FER: variants seen among roughly 807,000 people sequenced by gnomAD.
FER encodes tyrosine-protein kinase Fer.
A neutral mutation model predicts 111.0 loss-of-function variants in FER; 63 were observed. The ratio of observed to expected loss-of-function variants is 0.57; its 90% CI spans 0.46 to 0.70. The LOEUF (loss-of-function observed/expected upper bound fraction) is 0.70, where lower values mean the gene tolerates loss of function less well. Among genes scored for constraint, FER ranks in the 30% least tolerant of loss-of-function variants. The pLI, the probability that FER is intolerant of heterozygous loss-of-function variation, is 0.00. For missense variants in FER, 914 were observed against 954.0 expected (o/e 0.96, Z 0.55); for synonymous variants, 327 against 313.9 (o/e 1.04, Z -0.44).
intron 13 of FER, among the ~76,000 whole-genome samples, chr5:109,019,797 T>A (rs1473899931): frequency 6.6e-6 from 1 of 151,828 alleles, no homozygotes; most frequent in Non-Finnish European, 1.5e-5. Flanking sequence ...CCTTTTACTT[T>A]CCAAACTTAA....
chr5:108,845,515 A>AT (rs988372922), intron 5 of FER, among the ~76,000 whole-genome samples: 8 of 151,678 alleles, frequency 5.3e-5, no homozygotes, highest in African/African-American at 1.7e-4. Flanking sequence ...ATTTCTTAGG[A>AT]TTTTTTACTT....
chr5:109,018,428 C>CCTTA (rs1311089607), intron 13 of FER, among the ~76,000 whole-genome samples: 1 of 151,782 alleles, frequency 6.6e-6, no homozygotes, highest in African/African-American at 2.4e-5. Flanking sequence ...ATGTAGAGAA[C>CCTTA]CTTAGATAAG....
At chr5:109,164,451 A>T (rs1261548803) in intron 17 of FER, among the ~76,000 whole-genome samples, 2 of 152,028 alleles carry the variant, frequency 1.3e-5, no homozygotes, top group African/African-American at 4.8e-5. Context: ...AATGCTGCCT[A>T]CTCCATTTGT....
chr5:109,105,508 A>G (rs897784035), intron 17 of FER, among the ~76,000 whole-genome samples: 1 of 152,166 alleles, frequency 6.6e-6, no homozygotes, highest in African/African-American at 2.4e-5. Flanking sequence ...AATAAAATAA[A>G]ATGTTTTCTG....
rs1236576211 is a variant in FER, at chr5:108,816,238, A to T, written c.208-16532A>T. On this transcript the variant is annotated intron_variant, in intron 3 of 19. Coordinates refer to ENST00000281092, the MANE Select transcript of FER (RefSeq NM_005246.4). ...ACCTGAAGAAGCACTAGGTGAATGC[A>T]GAAAACTATAACTAGCTTAACCATG... 6.6e-5 allele frequency among the ~76,000 whole-genome samples: 10 copies of T among 152,352 alleles called. No individual in the cohort carries two copies. The East Asian group carries it at 1.9e-3, about 29-fold the overall frequency.
At chr5:109,073,978 CTT>C (rs1285937952) in intron 16 of FER, among the ~76,000 whole-genome samples, 5 of 152,140 alleles carry the variant, frequency 3.3e-5, no homozygotes, top group African/African-American at 1.2e-4. Flanking sequence ...AAATTTTACA[CTT>C]TTCTTTCGTA....
chr5:109,195,511 G>A lies in FER; in HGVS notation c.*7936G>A, dbSNP rs1391634981. 1.3e-5 allele frequency: 2 copies of A among 152,160 alleles called. No individual in the cohort carries two copies. The highest frequency in any genetic ancestry group is 3.9e-4 in the East Asian group (2 of 5,194). The allele number at this position is 152,160 out of a possible 1,614,324, so 9.4% of individuals were successfully genotyped here. On this transcript the variant is annotated 3_prime_UTR_variant, in exon 20 of 20. Transcript: ENST00000281092. ...TAACAAGTAAATTTTATAATCCTAT[G>A]ATTCTAAATTCAATCCCCAATATAG...
chr5:109,162,098 T>C (rs912913797), intron 17 of FER, among the ~76,000 whole-genome samples: 3 of 152,174 alleles, frequency 2.0e-5, no homozygotes, highest in African/African-American at 7.2e-5. Flanking sequence ...AACAGAGTTG[T>C]TTGGTTTTTT....
At chr5:109,048,934 C>T (rs1581793475) in intron 16 of FER, among the ~76,000 whole-genome samples, 1 of 151,786 alleles carries the variant, frequency 6.6e-6, no homozygotes. Flanking sequence ...CAGAATATTC[C>T]ATTTTGTGGA....
intron 10 of FER, among the ~76,000 whole-genome samples, chr5:108,909,037 C>A (rs1486080885): frequency 2.0e-5 from 3 of 152,146 alleles, no homozygotes; most frequent in Non-Finnish European, 4.4e-5. Context: ...TGTTAGAAAA[C>A]AAACAAAACA....
intron 13 of FER, among the ~76,000 whole-genome samples, chr5:109,022,376 G>C (rs1768047229): frequency 6.6e-6 from 1 of 152,096 alleles, no homozygotes; most frequent in South Asian, 2.1e-4. Flanking sequence ...GAGCATAAAG[G>C]AACCAGGAAT....
chr5:109,053,594 A>G (rs1289174599), intron 16 of FER, among the ~76,000 whole-genome samples: 3 of 151,960 alleles, frequency 2.0e-5, no homozygotes, highest in Non-Finnish European at 4.4e-5. Flanking sequence ...ATCATGCAGT[A>G]AGCACTTTTT....
chr5:108,967,578 A>G (rs1032141985), intron 13 of FER, among the ~76,000 whole-genome samples: 1 of 151,864 alleles, frequency 6.6e-6, no homozygotes, highest in Non-Finnish European at 1.5e-5. Flanking sequence ...CTTGGCCAAT[A>G]TGGTGAAACC....
At position 108,967,759 on chromosome 5, in the gene FER, C is replaced by CAAAAAAA. The variant is rs774855414; in HGVS notation, c.1656+8430_1656+8436dup. Among the ~76,000 whole-genome samples the CAAAAAAA allele has an allele frequency of 3.7e-3, 127 of 34,444 alleles. 5 individuals are homozygous for CAAAAAAA. Among genetic ancestry groups the CAAAAAAA allele is most frequent in the African/African-American group, 9.5e-3 (89 of 9,358 alleles). The allele number at this position is 34,444 out of a possible 152,430, so 22.6% of individuals were successfully genotyped here. ...TGGGCGACAAAGCGAGACTCCGTCT[C>CAAAAAAA]AAAAAAAAAAAAAAAAAAAAAAAAC... On this transcript the variant is annotated intron_variant, in intron 13 of 19. Coordinates refer to ENST00000281092, the MANE Select transcript of FER (RefSeq NM_005246.4).
At chr5:109,162,597 C>T (rs1756108562) in intron 17 of FER, among the ~76,000 whole-genome samples, 1 of 152,002 alleles carries the variant, frequency 6.6e-6, no homozygotes, top group African/African-American at 2.4e-5. Context: ...AAGCAGAAAA[C>T]TTAACTTATC....
intron 16 of FER, among the ~76,000 whole-genome samples, chr5:109,063,056 TATTTTAGGCTTAGAA>T (rs1056567562): frequency 2.4e-4 from 36 of 152,366 alleles, no homozygotes; most frequent in African/African-American, 6.5e-4. Context: ...TCATTTGGTT[TATTTTAGGCTTAGAA>T]ATTTTAGGCT....
At chr5:109,015,917 C>G (rs1179476725) in intron 13 of FER, among the ~76,000 whole-genome samples, 1 of 151,960 alleles carries the variant, frequency 6.6e-6, no homozygotes, top group Non-Finnish European at 1.5e-5. Flanking sequence ...ACCACTATGT[C>G]ACATTGCATC....
At chr5:108,827,757 A>G (rs920333934) in intron 3 of FER, among the ~76,000 whole-genome samples, 5 of 149,528 alleles carry the variant, frequency 3.3e-5, no homozygotes, top group African/African-American at 1.2e-4. Context: ...CTGATTTGAT[A>G]ATGTTTTCCT....
At chr5:108,941,518 A>G (rs1480021144) in intron 10 of FER, among the ~76,000 whole-genome samples, 1 of 152,146 alleles carries the variant, frequency 6.6e-6, no homozygotes, top group Non-Finnish European at 1.5e-5. Flanking sequence ...CTCTCATTAT[A>G]AGGTATTCCT....
Sources: allele counts gnomAD v4.1 joint callset (sites outside exome capture counted in the v4.1 genomes callset), GRCh38; gene constraint gnomAD v4.1.1; transcripts MANE v1.5; gene names NCBI Gene and HGNC (gene_info 2026-07-23, HGNC 2026-07-21).